The following SGCZ variants were observed in gnomAD, a reference collection of about 807,000 sequenced individuals.
SGCZ encodes zeta-sarcoglycan.
Under a neutral mutation model 41.3 loss-of-function variants are expected in SGCZ, and 40 were observed. That is an observed-to-expected ratio of 0.97 (90% CI 0.75 to 1.26). The LOEUF (loss-of-function observed/expected upper bound fraction) is 1.26. Ranked by LOEUF, SGCZ falls within the 50% of genes most tolerant of loss-of-function variation. The pLI is 0.00. For synonymous variants in SGCZ, 206 were observed against 137.5 expected (o/e 1.50, Z -3.49); for missense variants, 552 against 369.8 (o/e 1.49, Z -4.04).
chr8:14,471,567 G>T (rs1262974812), intron 2 of SGCZ, among the ~76,000 whole-genome samples: 1 of 151,868 alleles, frequency 6.6e-6, no homozygotes, highest in Non-Finnish European at 1.5e-5. Flanking sequence ...CTCAAATAAG[G>T]ATTCCTTTTG....
chr8:14,670,903 A>C (rs1808079944), intron 1 of SGCZ, among the ~76,000 whole-genome samples: 1 of 152,220 alleles, frequency 6.6e-6, no homozygotes, highest in African/African-American at 2.4e-5. Context: ...GTCTTAATTT[A>C]CTACCCTATA....
chr8:14,924,475 G>T (rs1799684911), intron 1 of SGCZ, among the ~76,000 whole-genome samples: 1 of 151,894 alleles, frequency 6.6e-6, no homozygotes, highest in African/African-American at 2.4e-5. Context: ...TCCATTAATA[G>T]GTTTTATATT....
intron 1 of SGCZ, among the ~76,000 whole-genome samples, chr8:14,980,896 T>C (rs1801640842): frequency 6.6e-6 from 1 of 151,558 alleles, no homozygotes; most frequent in Non-Finnish European, 1.5e-5. Context: ...GTGCTATCCA[T>C]TCCCATCTTT....
At chr8:14,415,767 A>C (rs951504711) in intron 2 of SGCZ, among the ~76,000 whole-genome samples, 1 of 151,860 alleles carries the variant, frequency 6.6e-6, no homozygotes, top group Non-Finnish European at 1.5e-5. Flanking sequence ...ACCACCTCAA[A>C]TTTGTGACAG....
chr8:14,594,651 T>C (rs1805349730), intron 1 of SGCZ, among the ~76,000 whole-genome samples: 1 of 151,910 alleles, frequency 6.6e-6, no homozygotes, highest in Non-Finnish European at 1.5e-5. Flanking sequence ...TTTGCGACTT[T>C]TCAGGCACTC....
At chr8:14,420,204 T>G (rs1028528127) in intron 2 of SGCZ, among the ~76,000 whole-genome samples, 17 of 152,072 alleles carry the variant, frequency 1.1e-4, no homozygotes. Context: ...GACTCTCCCA[T>G]TTTTTCAGCC....
intron 1 of SGCZ, among the ~76,000 whole-genome samples, chr8:14,986,903 T>G (rs184646469): frequency 1.9e-4 from 29 of 152,078 alleles, no homozygotes; most frequent in African/African-American, 6.7e-4. Flanking sequence ...TCAGTAAGGA[T>G]TAAATATAAA....
At chr8:14,692,720 G>A (rs773339225) in intron 1 of SGCZ, among the ~76,000 whole-genome samples, 1 of 151,966 alleles carries the variant, frequency 6.6e-6, no homozygotes, top group Non-Finnish European at 1.5e-5. Context: ...TAAATTATTG[G>A]AATCCTTTTA....
chr8:14,817,240 A>G (rs1273168687), intron 1 of SGCZ, among the ~76,000 whole-genome samples: 1 of 152,120 alleles, frequency 6.6e-6, no homozygotes, highest in Non-Finnish European at 1.5e-5. Flanking sequence ...TGCCTCTGCC[A>G]CATAGTCTCA....
intron 3 of SGCZ, among the ~76,000 whole-genome samples, chr8:14,293,797 G>A (rs1237179168): frequency 6.6e-6 from 1 of 151,828 alleles, no homozygotes; most frequent in Non-Finnish European, 1.5e-5. Flanking sequence ...TTTTAGCAAA[G>A]AGTTGGTAAG....
chr8:14,508,663 C>T (rs1366662182), intron 2 of SGCZ, among the ~76,000 whole-genome samples: 1 of 152,076 alleles, frequency 6.6e-6, no homozygotes, highest in Non-Finnish European at 1.5e-5. Context: ...GTTTGAGAAG[C>T]ACGATATGAA....
At chr8:15,190,635 T>G (rs1345174477) in intron 1 of SGCZ, among the ~76,000 whole-genome samples, 1 of 151,662 alleles carries the variant, frequency 6.6e-6, no homozygotes, top group African/African-American at 2.4e-5. Flanking sequence ...TCAGATAGTT[T>G]CAGAGCCTTC....
At chr8:14,354,249 C>G (rs1358133618) in intron 2 of SGCZ, among the ~76,000 whole-genome samples, 1 of 151,796 alleles carries the variant, frequency 6.6e-6, no homozygotes, top group Non-Finnish European at 1.5e-5. Context: ...AATAAATATT[C>G]ATTGAATGAC....
At chr8:14,230,449 C>T (rs990719977) in intron 4 of SGCZ, among the ~76,000 whole-genome samples, 57 of 152,050 alleles carry the variant, frequency 3.7e-4, no homozygotes, top group Non-Finnish European at 7.9e-4. Flanking sequence ...TACTCATATT[C>T]CCCACAGAAA....
intron 4 of SGCZ, 31 bp from the exon 5 acceptor site, chr8:14,164,733 A>G (rs1180732230): frequency 6.2e-7 from 1 of 1,609,886 alleles, no homozygotes; most frequent in Non-Finnish European, 8.5e-7. Flanking sequence ...TAAAAATGAA[A>G]CTGGTATGCA....
At chr8:14,578,987 AT>A (rs1804801550) in intron 1 of SGCZ, among the ~76,000 whole-genome samples, 1 of 152,126 alleles carries the variant, frequency 6.6e-6, no homozygotes, top group African/African-American at 2.4e-5. Context: ...TTTTGAAGTT[AT>A]TTAGGTTTAA....
intron 1 of SGCZ, among the ~76,000 whole-genome samples, chr8:14,949,535 A>G (rs987322215): frequency 6.6e-6 from 1 of 152,146 alleles, no homozygotes; most frequent in African/African-American, 2.4e-5. Flanking sequence ...TCAGGAAACT[A>G]AAGATAAAAT....
intron 2 of SGCZ, among the ~76,000 whole-genome samples, chr8:14,465,866 T>C (rs1801033965): frequency 6.6e-6 from 1 of 151,902 alleles, no homozygotes; most frequent in Non-Finnish European, 1.5e-5. Flanking sequence ...TGATTTTTAA[T>C]ACATTAGTCT....
chr8:15,025,060 C>T (rs183405978), intron 1 of SGCZ, among the ~76,000 whole-genome samples: 1 of 151,964 alleles, frequency 6.6e-6, no homozygotes, highest in African/African-American at 2.4e-5. Context: ...TTAAAATACT[C>T]TCTAGGTTTA....
Sources: allele counts gnomAD v4.1 joint callset (sites outside exome capture counted in the v4.1 genomes callset), GRCh38; gene constraint gnomAD v4.1.1; transcripts MANE v1.5; gene names NCBI Gene and HGNC (gene_info 2026-07-23, HGNC 2026-07-21).